GABRB2: variants seen among roughly 807,000 people sequenced by gnomAD.
The protein encoded by GABRB2 is gamma-aminobutyric acid receptor subunit beta-2.
GABRB2 carries 16 observed loss-of-function variants against 54.7 expected under a neutral mutation model. That is an observed-to-expected ratio of 0.29 (90% CI 0.20 to 0.44). The LOEUF is 0.44. Ranked by LOEUF, GABRB2 falls within the 20% of genes least tolerant of loss-of-function variation. GABRB2 has a pLI of 1.00. For synonymous variants in GABRB2, 244 were observed against 233.8 expected, an observed-to-expected ratio of 1.04 and a Z score of -0.40; for missense variants, 355 against 644.0, an observed-to-expected ratio of 0.55 and a Z score of 4.86.
intron 8 of GABRB2, among the ~76,000 whole-genome samples, chr5:161,328,154 A>G (rs1758423406): frequency 6.6e-6 from 1 of 152,172 alleles, no homozygotes; most frequent in Non-Finnish European, 1.5e-5. Context: ...CCTTTGAAAA[A>G]TGATTTTCTT....
At chr5:161,365,961 T>C (rs1315567308) in intron 5 of GABRB2, among the ~76,000 whole-genome samples, 6 of 151,816 alleles carry the variant, frequency 4.0e-5, no homozygotes, top group African/African-American at 2.4e-5. Flanking sequence ...TCCTTATGCC[T>C]GGGGTTATAC....
chr5:161,331,006 C>T lies in GABRB2; in HGVS notation c.954G>A (p.Met318Ile). Residue 318 changes from methionine to isoleucine, a missense_variant, in exon 8 of 10, where the codon ATG (methionine) becomes ATA (isoleucine). Physicochemically the swap from Met to Ile is conservative, Grantham distance 10 (BLOSUM62 1). This residue lies in a region of GABRB2 where 25 missense variants were observed against 137.4 expected (regional missense o/e 0.18). Transcript: ENST00000393959. ...TGACTAGGGCATATTCCAGAAGGGC[C>T]ATGAAAACGAAGACAAAGCACCCCA... ...YLMGCFVFVF[M>I]ALLEYALVNY... The T allele has an allele frequency of 1.9e-6, 3 of 1,614,088 alleles. No individual in the cohort carries two copies. Among genetic ancestry groups the T allele is most frequent in the Non-Finnish European group, 2.5e-6 (3 of 1,180,024 alleles).
At chr5:161,401,438 T>A (rs910295341) in intron 5 of GABRB2, among the ~76,000 whole-genome samples, 1 of 152,194 alleles carries the variant, frequency 6.6e-6, no homozygotes, top group Non-Finnish European at 1.5e-5. Flanking sequence ...GGGCAGGATT[T>A]CATTATTCTT....
intron 5 of GABRB2, among the ~76,000 whole-genome samples, chr5:161,339,348 C>T (rs115272445): frequency 1.6e-3 from 239 of 152,214 alleles, no homozygotes; most frequent in African/African-American, 5.7e-3. Context: ...GTGGTATATA[C>T]TAAGCACTTT....
At chr5:161,419,020 G>A (rs902984954) in intron 4 of GABRB2, among the ~76,000 whole-genome samples, 2 of 152,104 alleles carry the variant, frequency 1.3e-5, no homozygotes, top group African/African-American at 4.8e-5. Context: ...CCAGCTACTC[G>A]GAAGGCTGAG....
chr5:161,295,856 G>T (rs252965), intron 9 of GABRB2, among the ~76,000 whole-genome samples: 17,687 of 152,186 alleles, frequency 0.12, 1,138 homozygotes, highest in Non-Finnish European at 0.14. Flanking sequence ...TAAACAAATA[G>T]ATTATTAAAA....
At chr5:161,538,531 T>C (rs1760713091) in intron 3 of GABRB2, among the ~76,000 whole-genome samples, 5 of 152,142 alleles carry the variant, frequency 3.3e-5, no homozygotes. Flanking sequence ...ATAAGAATAG[T>C]AAACGCCTAC....
At chr5:161,463,368 G>C (rs1758172506) in intron 3 of GABRB2, among the ~76,000 whole-genome samples, 1 of 147,478 alleles carries the variant, frequency 6.8e-6, no homozygotes, top group Non-Finnish European at 1.5e-5. Context: ...AAAGTATAAA[G>C]ACCTCAATAA....
chr5:161,475,960 G>C (rs994258359), intron 3 of GABRB2, among the ~76,000 whole-genome samples: 1 of 151,846 alleles, frequency 6.6e-6, no homozygotes. Context: ...GAGCAAATAG[G>C]AATGAAAAGA....
chr5:161,316,409 ACT>A, intron 9 of GABRB2, among the ~76,000 whole-genome samples: 1 of 152,020 alleles, frequency 6.6e-6, no homozygotes. Flanking sequence ...TGGAATCTTG[ACT>A]CTCTGGTGAT....
intron 9 of GABRB2, among the ~76,000 whole-genome samples, chr5:161,307,225 C>T (rs1224934270): frequency 6.6e-6 from 1 of 152,076 alleles, no homozygotes; most frequent in Non-Finnish European, 1.5e-5. Context: ...CCTGATCAGG[C>T]GCCCCATTAT....
At chr5:161,463,317 CCACACACA>C (rs137863733) in intron 3 of GABRB2, among the ~76,000 whole-genome samples, 37 of 141,188 alleles carry the variant, frequency 2.6e-4, no homozygotes, top group South Asian at 4.5e-4. Context: ...TACACACACA[CCACACACA>C]CACACACACA....
intron 3 of GABRB2, among the ~76,000 whole-genome samples, chr5:161,511,118 G>T (rs1759755187): frequency 6.6e-6 from 1 of 151,892 alleles, no homozygotes; most frequent in Admixed American, 6.6e-5. Context: ...TGTACTAAAT[G>T]CCTCATTATA....
chr5:161,352,800 G>A lies in GABRB2; in HGVS notation c.542-16031C>T, dbSNP rs563774030. ...TGTACATATTTCAAAACTTCATGCT[G>A]TACATAATTTTACATATATATAATT... On this transcript the variant is annotated intron_variant, in intron 5 of 9. Transcript: ENST00000393959. Among the ~76,000 whole-genome samples the A allele has an allele frequency of 5.3e-5, 8 of 152,014 alleles. 1 individual carries two copies. The South Asian group carries it at 1.7e-3, about 32-fold the overall frequency.
chr5:161,316,873 A>T lies in GABRB2; in HGVS notation c.1191+9495T>A, dbSNP rs542040967. 1.3e-3 allele frequency among the ~76,000 whole-genome samples: 196 copies of T among 152,262 alleles called. 2 individuals carry two copies. Among genetic ancestry groups the T allele is most frequent in the South Asian group, 6.0e-3 (29 of 4,826 alleles). ...GTGATCCACCTGCCTCGGGCTCCCAAAGTGCTGGGATTACAGCTGTGAGCC... is the reference window on the plus strand; with the variant it reads ...GTGATCCACCTGCCTCGGGCTCCCATAGTGCTGGGATTACAGCTGTGAGCC... On this transcript the variant is annotated intron_variant, in intron 9 of 9. Transcript: ENST00000393959.
chr5:161,485,227 C>T (rs1758883169), intron 3 of GABRB2, among the ~76,000 whole-genome samples: 1 of 151,968 alleles, frequency 6.6e-6, no homozygotes, highest in South Asian at 2.1e-4. Flanking sequence ...TATACTGTCA[C>T]AACAATTCAT....
In GABRB2 at chr5:161,471,646, T is replaced by C. The variant is rs139212596; in HGVS notation, c.238-11802A>G. On this transcript the variant is annotated intron_variant, in intron 3 of 9. Coordinates refer to ENST00000393959, the MANE Select transcript of GABRB2 (RefSeq NM_001371727.1). ...TACATCTTATCATAGACCTACCTTC[T>C]AGGTGATAACGGGACTGGTTCTAAG... Among the ~76,000 whole-genome samples the C allele has an allele frequency of 1.6e-3, 241 of 152,138 alleles. 1 individual carries two copies. The highest frequency in any genetic ancestry group is 5.5e-3 in the African/African-American group (229 of 41,552).
intron 9 of GABRB2, among the ~76,000 whole-genome samples, chr5:161,304,670 A>G (rs932671175): frequency 7.0e-6 from 1 of 142,950 alleles, no homozygotes; most frequent in Non-Finnish European, 1.5e-5. Context: ...TAAATAAACT[A>G]TAGATCACTG....
At chr5:161,430,584 C>T (rs899080331) in intron 4 of GABRB2, among the ~76,000 whole-genome samples, 1 of 152,098 alleles carries the variant, frequency 6.6e-6, no homozygotes, top group Non-Finnish European at 1.5e-5. Context: ...TATAGAGTTG[C>T]TGTCAGGATA....
Sources: allele counts gnomAD v4.1 joint callset (sites outside exome capture counted in the v4.1 genomes callset), GRCh38; gene constraint gnomAD v4.1.1; regional missense constraint gnomAD v4.1.1; transcripts MANE v1.5; gene names NCBI Gene and HGNC (gene_info 2026-07-23, HGNC 2026-07-21).